The following CNTNAP2 variants were observed in gnomAD, a reference collection of about 807,000 sequenced individuals.
CNTNAP2 encodes the protein contactin-associated protein-like 2.
CNTNAP2 carries 98 observed loss-of-function variants against 155.2 expected under a neutral mutation model. The observed-to-expected ratio is 0.63, with a 90% confidence interval of 0.54 to 0.75. The LOEUF (loss-of-function observed/expected upper bound fraction) is 0.75, where lower values mean the gene tolerates loss of function less well. CNTNAP2 is among the 30% of genes least tolerant of loss of function. The pLI is 0.00. For synonymous variants in CNTNAP2, 651 were observed against 631.2 expected (o/e 1.03, Z -0.47); for missense variants, 1,727 against 1,688.1 (o/e 1.02, Z -0.40).
chr7:146,735,846 G>C (rs1236120729), intron 1 of CNTNAP2, among the ~76,000 whole-genome samples: 3 of 152,022 alleles, frequency 2.0e-5, no homozygotes, highest in African/African-American at 7.2e-5. Flanking sequence ...TAGCACGTTA[G>C]GGTGACTGTA....
intron 6 of CNTNAP2, among the ~76,000 whole-genome samples, chr7:147,127,969 A>G (rs575217221): frequency 2.3e-4 from 35 of 152,164 alleles, no homozygotes; most frequent in Non-Finnish European, 4.9e-4. Flanking sequence ...GCTATAGTGT[A>G]TATTGATCAA....
chr7:147,735,623 G>A (rs1796829092), intron 13 of CNTNAP2, among the ~76,000 whole-genome samples: 1 of 152,182 alleles, frequency 6.6e-6, no homozygotes, highest in South Asian at 2.1e-4. Context: ...ACAGTGGCGT[G>A]TTGAAGTCTC....
chr7:147,630,582 C>G (rs1795069902), intron 12 of CNTNAP2, among the ~76,000 whole-genome samples: 1 of 152,118 alleles, frequency 6.6e-6, no homozygotes, highest in African/African-American at 2.4e-5. Flanking sequence ...CAACAAAATA[C>G]TAGCTAACCA....
At chr7:146,277,394 T>C (rs1271114847) in intron 1 of CNTNAP2, among the ~76,000 whole-genome samples, 2 of 152,210 alleles carry the variant, frequency 1.3e-5, no homozygotes, top group East Asian at 3.9e-4. Flanking sequence ...ACCACTGATG[T>C]TACATTGAAC....
intron 1 of CNTNAP2, among the ~76,000 whole-genome samples, chr7:146,710,972 C>G (rs1305244888): frequency 2.0e-5 from 3 of 151,976 alleles, no homozygotes. Flanking sequence ...CTGCCTGGTT[C>G]ACTGGGTTTG....
At chr7:146,522,419 A>C (rs746224306) in intron 1 of CNTNAP2, among the ~76,000 whole-genome samples, 11 of 152,106 alleles carry the variant, frequency 7.2e-5, no homozygotes, top group Non-Finnish European at 1.3e-4. Flanking sequence ...TTACCACAGC[A>C]GGTGTCATTA....
chr7:147,772,492 A>AC lies in CNTNAP2; in HGVS notation c.2099-131073_2099-131072insC, dbSNP rs1491541758. ...TATATATATATATATATACACACAC[A>AC]AAAAAAAAACCACAAAAGAGGTGAT... On this transcript the variant is annotated intron_variant, in intron 13 of 23. Transcript: ENST00000361727. Among the ~76,000 whole-genome samples, 656 of 123,980 alleles carry AC rather than the reference A, an allele frequency of 5.3e-3. 25 individuals carry two copies. Among genetic ancestry groups the AC allele is most frequent in the African/African-American group, 0.018 (604 of 33,142 alleles). The allele number at this position is 123,980 out of a possible 152,430, so 81.3% of individuals were successfully genotyped here. A position where few individuals can be genotyped will look rare whatever the true frequency, so the allele number is the denominator to read the frequency against.
At chr7:146,837,706 C>A (rs1009490550) in intron 2 of CNTNAP2, among the ~76,000 whole-genome samples, 2 of 152,018 alleles carry the variant, frequency 1.3e-5, no homozygotes, top group South Asian at 4.1e-4. Context: ...AAGTTTTGTT[C>A]CATCAAAAAA....
At chr7:147,310,141 A>G (rs1795096321) in intron 9 of CNTNAP2, among the ~76,000 whole-genome samples, 1 of 152,086 alleles carries the variant, frequency 6.6e-6, no homozygotes, top group South Asian at 2.1e-4. Context: ...CCACAAGTAA[A>G]ATTTGATTAG....
intron 1 of CNTNAP2, among the ~76,000 whole-genome samples, chr7:146,356,344 C>T (rs995007416): frequency 2.6e-5 from 4 of 152,078 alleles, no homozygotes; most frequent in Non-Finnish European, 2.9e-5. Context: ...CTGACAGGGC[C>T]CTGCCATTGT....
intron 13 of CNTNAP2, among the ~76,000 whole-genome samples, chr7:147,712,968 C>CT (rs1271652133): frequency 6.6e-6 from 1 of 152,134 alleles, no homozygotes; most frequent in Non-Finnish European, 1.5e-5. Context: ...AAAGCCCAAT[C>CT]TTTCCTCTGC....
chr7:146,435,443 G>C (rs1796229739), intron 1 of CNTNAP2, among the ~76,000 whole-genome samples: 1 of 152,198 alleles, frequency 6.6e-6, no homozygotes, highest in African/African-American at 2.4e-5. Flanking sequence ...TAAAAGAATT[G>C]TGTGCCTTTG....
intron 15 of CNTNAP2, among the ~76,000 whole-genome samples, chr7:148,038,564 G>T (rs1802611443): frequency 6.6e-6 from 1 of 152,068 alleles, no homozygotes; most frequent in Admixed American, 6.6e-5. Flanking sequence ...CTCCCCAAAT[G>T]GTGAATCACT....
chr7:147,661,321 T>A (rs1487684846), intron 13 of CNTNAP2, among the ~76,000 whole-genome samples: 1 of 152,200 alleles, frequency 6.6e-6, no homozygotes, highest in Non-Finnish European at 1.5e-5. Flanking sequence ...CATTTTTATT[T>A]CTGAAAATCA....
At chr7:146,851,825 T>C (rs1402788047) in intron 3 of CNTNAP2, among the ~76,000 whole-genome samples, 1 of 151,906 alleles carries the variant, frequency 6.6e-6, no homozygotes, top group Non-Finnish European at 1.5e-5. Context: ...GGACTACAGG[T>C]GCATGTCACC....
chr7:147,486,350 G>A (rs1316001469), intron 11 of CNTNAP2, among the ~76,000 whole-genome samples: 1 of 152,134 alleles, frequency 6.6e-6, no homozygotes, highest in Non-Finnish European at 1.5e-5. Flanking sequence ...CACATCTGTT[G>A]GGTCGATTGT....
intron 9 of CNTNAP2, among the ~76,000 whole-genome samples, chr7:147,300,929 G>A (rs1794935408): frequency 6.6e-6 from 1 of 152,046 alleles, no homozygotes. Context: ...AGGAGGGGAG[G>A]GGAAAGCCAG....
intron 1 of CNTNAP2, among the ~76,000 whole-genome samples, chr7:146,622,962 A>G (rs1418727672): frequency 6.7e-6 from 1 of 149,826 alleles, no homozygotes; most frequent in Non-Finnish European, 1.5e-5. Flanking sequence ...ATCTCAAAAA[A>G]AAAAAAGAAA....
intron 21 of CNTNAP2, chr7:148,381,570 A>C (rs1259733831): frequency 6.6e-6 from 1 of 152,272 alleles, no homozygotes; most frequent in Non-Finnish European, 1.5e-5. Context: ...ACCAACGTCC[A>C]GCTGCTTCTC....
Sources: gnomAD v4.1 joint callset for allele counts (sites outside exome capture counted in the v4.1 genomes callset) on GRCh38, gnomAD v4.1.1 for gene constraint, MANE v1.5 for transcripts, NCBI Gene and HGNC (gene_info 2026-07-23, HGNC 2026-07-21) for gene names.